SH3GL2: variants seen among roughly 807,000 people sequenced by gnomAD.
SH3GL2 encodes SH3 domain containing GRB2 like 2, endophilin A1.
Under a neutral mutation model 46.0 loss-of-function variants are expected in SH3GL2, and 24 were observed. The observed-to-expected ratio is 0.52, with a 90% confidence interval of 0.38 to 0.73. The LOEUF (loss-of-function observed/expected upper bound fraction) is 0.73. Ranked by LOEUF, SH3GL2 falls within the 30% of genes least tolerant of loss-of-function variation. The pLI is 0.00. For synonymous variants in SH3GL2, 196 were observed against 147.1 expected, an observed-to-expected ratio of 1.33 and a Z score of -2.40; for missense variants, 413 against 424.2, an observed-to-expected ratio of 0.97 and a Z score of 0.23.
At chr9:17,594,667 T>C (rs1338347202) in intron 1 of SH3GL2, among the ~76,000 whole-genome samples, 1 of 152,018 alleles carries the variant, frequency 6.6e-6, no homozygotes, top group Non-Finnish European at 1.5e-5. Flanking sequence ...AAAATAATTG[T>C]GTGTTGTACC....
intron 1 of SH3GL2, among the ~76,000 whole-genome samples, chr9:17,703,617 T>C (rs1464450095): frequency 6.6e-6 from 1 of 152,002 alleles, no homozygotes; most frequent in Non-Finnish European, 1.5e-5. Context: ...GATCAAGTAG[T>C]CGTTATCCCT....
intron 3 of SH3GL2, among the ~76,000 whole-genome samples, chr9:17,780,876 A>G (rs367995899): frequency 0.017 from 47 of 2,794 alleles, 1 homozygote; most frequent in African/African-American, 0.061. Flanking sequence ...AATCCAGTCT[A>G]TCATTGTTGG....
intron 1 of SH3GL2, among the ~76,000 whole-genome samples, chr9:17,731,609 C>T (rs934267356): frequency 1.3e-5 from 2 of 152,120 alleles, no homozygotes; most frequent in Admixed American, 6.6e-5. Context: ...TCTTGGGCTT[C>T]TAGTTCTAGA....
intron 1 of SH3GL2, among the ~76,000 whole-genome samples, chr9:17,738,526 A>G (rs918073711): frequency 8.7e-6 from 1 of 115,124 alleles, no homozygotes; most frequent in Non-Finnish European, 1.9e-5. Flanking sequence ...GTGTGTGTAT[A>G]TACATACATA....
At chr9:17,706,407 C>G (rs1421996918) in intron 1 of SH3GL2, among the ~76,000 whole-genome samples, 1 of 152,092 alleles carries the variant, frequency 6.6e-6, no homozygotes, top group African/African-American at 2.4e-5. Context: ...GCTAGCACCT[C>G]TTCATGAACT....
intron 1 of SH3GL2, among the ~76,000 whole-genome samples, chr9:17,647,166 A>C (rs1338433964): frequency 6.6e-6 from 1 of 152,236 alleles, no homozygotes; most frequent in African/African-American, 2.4e-5. Flanking sequence ...AACAGGATGC[A>C]GATCACATAT....
At chr9:17,599,172 G>C (rs1458637510) in intron 1 of SH3GL2, among the ~76,000 whole-genome samples, 2 of 152,048 alleles carry the variant, frequency 1.3e-5, no homozygotes, top group Non-Finnish European at 2.9e-5. Flanking sequence ...AAATATGAAG[G>C]TAAAAGAGTG....
intron 1 of SH3GL2, among the ~76,000 whole-genome samples, chr9:17,717,231 T>C (rs147910947): frequency 2.0e-5 from 3 of 152,252 alleles, no homozygotes; most frequent in Non-Finnish European, 4.4e-5. Flanking sequence ...TTTCTGTACA[T>C]TCTCTCTTTT....
At chr9:17,601,056 T>A (rs1442930619) in intron 1 of SH3GL2, among the ~76,000 whole-genome samples, 1 of 152,148 alleles carries the variant, frequency 6.6e-6, no homozygotes, top group African/African-American at 2.4e-5. Flanking sequence ...TTAACCATTG[T>A]GTATGTGCAC....
At chr9:17,595,509 G>A (rs898373456) in intron 1 of SH3GL2, among the ~76,000 whole-genome samples, 2 of 152,170 alleles carry the variant, frequency 1.3e-5, no homozygotes, top group African/African-American at 4.8e-5. Flanking sequence ...CACTTCTGGA[G>A]ATCAGTAGTT....
intron 3 of SH3GL2, among the ~76,000 whole-genome samples, chr9:17,776,529 A>C (rs1215743046): frequency 6.6e-6 from 1 of 152,184 alleles, no homozygotes; most frequent in Admixed American, 6.6e-5. Flanking sequence ...ACACACACAC[A>C]AAAATGCTAT....
At chr9:17,603,087 G>C (rs1483176794) in intron 1 of SH3GL2, among the ~76,000 whole-genome samples, 1 of 152,120 alleles carries the variant, frequency 6.6e-6, no homozygotes, top group Non-Finnish European at 1.5e-5. Context: ...TGAGTCTTTT[G>C]GTCTGTGTTG....
chr9:17,609,278 G>GTT (rs920938770), intron 1 of SH3GL2, among the ~76,000 whole-genome samples: 1 of 148,724 alleles, frequency 6.7e-6, no homozygotes, highest in African/African-American at 2.5e-5. Context: ...GGTAGTCAGA[G>GTT]TTTTTTTTTT....
chr9:17,587,898 C>CA (rs1818411101), intron 1 of SH3GL2, among the ~76,000 whole-genome samples: 3 of 145,354 alleles, frequency 2.1e-5, no homozygotes, highest in African/African-American at 8.4e-5. Context: ...AAAACAAAAA[C>CA]CAAAAAAAAA....
chr9:17,705,207 A>G (rs183714099), intron 1 of SH3GL2, among the ~76,000 whole-genome samples: 2 of 152,260 alleles, frequency 1.3e-5, no homozygotes, highest in Admixed American at 1.3e-4. Flanking sequence ...ATCTCACACC[A>G]GTCAGAATGA....
intron 1 of SH3GL2, among the ~76,000 whole-genome samples, chr9:17,682,136 T>G (rs199719590): frequency 6.6e-6 from 1 of 152,242 alleles, no homozygotes; most frequent in South Asian, 2.1e-4. Flanking sequence ...TTCAACCATT[T>G]TGGAAGACAG....
At chr9:17,633,928 C>G (rs1819487060) in intron 1 of SH3GL2, among the ~76,000 whole-genome samples, 1 of 152,014 alleles carries the variant, frequency 6.6e-6, no homozygotes, top group African/African-American at 2.4e-5. Flanking sequence ...TTTGGCAACC[C>G]CTTTCTGCAC....
chr9:17,593,268 G>A (rs966747175), intron 1 of SH3GL2, among the ~76,000 whole-genome samples: 1 of 151,854 alleles, frequency 6.6e-6, no homozygotes, highest in Non-Finnish European at 1.5e-5. Context: ...TGATAGGTTA[G>A]AAGCACAGGA....
At chr9:17,778,951 A>G (rs1009615789) in intron 3 of SH3GL2, among the ~76,000 whole-genome samples, 4 of 152,050 alleles carry the variant, frequency 2.6e-5, no homozygotes, top group Non-Finnish European at 4.4e-5. Context: ...TAGTTTGAAT[A>G]TGTTAAGTTT....
Sources: allele counts gnomAD v4.1 joint callset (sites outside exome capture counted in the v4.1 genomes callset), GRCh38; gene constraint gnomAD v4.1.1; transcripts MANE v1.5; gene names NCBI Gene and HGNC (gene_info 2026-07-23, HGNC 2026-07-21).